Variants in DEPDC5 observed in about 807,000 individuals in gnomAD.
The protein encoded by DEPDC5 is DEP domain containing 5, GATOR1 subcomplex subunit.
DEPDC5 carries 73 observed loss-of-function variants against 217.3 expected under a neutral mutation model. The ratio of observed to expected loss-of-function variants is 0.34; its 90% CI spans 0.28 to 0.41. The LOEUF (loss-of-function observed/expected upper bound fraction) is 0.41, where lower values mean the gene tolerates loss of function less well. Ranked by LOEUF, DEPDC5 falls within the 10% of genes least tolerant of loss-of-function variation. DEPDC5 has a pLI of 1.00. For missense variants in DEPDC5, 1,675 were observed against 2,070.1 expected, an observed-to-expected ratio of 0.81 and a Z score of 3.70; for synonymous variants, 733 against 756.7, an observed-to-expected ratio of 0.97 and a Z score of 0.51.
chr22:31,784,464 A>G (rs1024760868), intron 9 of DEPDC5: 4 of 227,664 alleles, frequency 1.8e-5, no homozygotes, highest in African/African-American at 7.0e-5. Flanking sequence ...CCCCATACCT[A>G]CTAAAAATAC....
intron 38 of DEPDC5, among the ~76,000 whole-genome samples, chr22:31,881,518 C>T (rs1367602710): frequency 6.6e-6 from 1 of 152,066 alleles, no homozygotes; most frequent in African/African-American, 2.4e-5. Context: ...ATTAAAGAAG[C>T]CGTATACCCG....
intron 38 of DEPDC5, 85 bp downstream of exon 38, chr22:31,879,837 C>A: frequency 7.6e-7 from 1 of 1,317,388 alleles, no homozygotes; most frequent in Non-Finnish European, 1.1e-6. Context: ...AACGATGCCA[C>A]ATGAACCAGG....
Position 31,797,672 on chromosome 22 carries a change from G to A in DEPDC5, c.840G>A (p.Gln280=), listed in dbSNP as rs2086400159. Residue 280 remains glutamine, a synonymous_variant, in exon 13 of 43, where the codon CAG becomes CAA. Coordinates refer to ENST00000651528, the MANE Select transcript of DEPDC5 (RefSeq NM_001242896.3). ...TAACCATTAAAAAACTCTTCATCCA[G>A]TATCCAGTGTTGGTGCGACTGGAAC... ...LLVTIKKLFI[Q]YPVLVRLEQA... is the part of the protein sequence containing the mutation. 6.2e-7 allele frequency: 1 copy of A among 1,613,934 alleles called. No homozygotes were observed. The highest frequency in any genetic ancestry group is 1.3e-5 in the African/African-American group (1 of 74,906).
chr22:31,769,941 G>C (rs1395308965), intron 7 of DEPDC5, among the ~76,000 whole-genome samples: 1 of 150,452 alleles, frequency 6.6e-6, no homozygotes. Flanking sequence ...AATTCAGAAA[G>C]TATTTCAGGT....
intron 8 of DEPDC5, among the ~76,000 whole-genome samples, chr22:31,778,998 C>G (rs1192962415): frequency 6.6e-6 from 1 of 152,140 alleles, no homozygotes; most frequent in Non-Finnish European, 1.5e-5. Flanking sequence ...AAAGAGTTAT[C>G]TGGCCCAAAA....
chr22:31,880,190 G>GTC (rs144285418), intron 38 of DEPDC5: 26 of 184,620 alleles, frequency 1.4e-4, no homozygotes, highest in African/African-American at 3.5e-4. Flanking sequence ...CAGAGCAAAA[G>GTC]TCTCTCTCTC....
At chr22:31,779,421 G>A (rs2084198681) in intron 8 of DEPDC5, among the ~76,000 whole-genome samples, 1 of 152,346 alleles carries the variant, frequency 6.6e-6, no homozygotes, top group East Asian at 1.9e-4. Context: ...GGGGTGAAGA[G>A]TATTCCAGGC....
chr22:31,834,689 G>A (rs1276133659), intron 25 of DEPDC5, among the ~76,000 whole-genome samples: 1 of 151,960 alleles, frequency 6.6e-6, no homozygotes, highest in African/African-American at 2.4e-5. Context: ...GCTAATTTTT[G>A]TATTTTTAGT....
At chr22:31,890,236 A>C (rs1287102730) in intron 38 of DEPDC5, 1 of 152,186 alleles carries the variant, frequency 6.6e-6, no homozygotes, top group African/African-American at 2.4e-5. Context: ...GCTCTCTGAG[A>C]CATATGGTTA....
At chr22:31,836,687 C>T (rs1167972734) in intron 25 of DEPDC5, among the ~76,000 whole-genome samples, 1 of 152,200 alleles carries the variant, frequency 6.6e-6, no homozygotes, top group Non-Finnish European at 1.5e-5. Flanking sequence ...GTAATCTCAC[C>T]TGCATTGCGG....
At chr22:31,904,829 A>C (rs981636320) in intron 41 of DEPDC5, among the ~76,000 whole-genome samples, 15 of 152,212 alleles carry the variant, frequency 9.9e-5, no homozygotes, top group Non-Finnish European at 1.6e-4. Flanking sequence ...TAGCCTACCC[A>C]TTTAGTTTGC....
At chr22:31,805,048 C>A in intron 17 of DEPDC5, 133 bp downstream of exon 17, 2 of 812,404 alleles carry the variant, frequency 2.5e-6, no homozygotes, top group South Asian at 1.7e-5. Context: ...CAAGTTCTAA[C>A]ATTTGCTCAA....
intron 10 of DEPDC5, among the ~76,000 whole-genome samples, chr22:31,791,558 A>T (rs539726334): frequency 8.7e-4 from 127 of 145,304 alleles, no homozygotes; most frequent in Non-Finnish European, 1.7e-3. Flanking sequence ...TGAACCTGGG[A>T]GGTGGAGGCT....
intron 10 of DEPDC5, among the ~76,000 whole-genome samples, chr22:31,789,859 ATCC>A (rs1247627361): frequency 1.3e-5 from 2 of 151,548 alleles, no homozygotes; most frequent in African/African-American, 4.9e-5. Flanking sequence ...TTGTCACTTC[ATCC>A]TCCTCAGTAG....
At chr22:31,784,593 C>G in intron 9 of DEPDC5, 1 of 432,394 alleles carries the variant, frequency 2.3e-6, no homozygotes, top group Non-Finnish European at 4.2e-6. Flanking sequence ...GCATTCCAGC[C>G]TGGGAGACAA....
intron 27 of DEPDC5, among the ~76,000 whole-genome samples, chr22:31,842,857 G>A (rs576147456): frequency 6.6e-6 from 1 of 152,148 alleles, no homozygotes; most frequent in Non-Finnish European, 1.5e-5. Flanking sequence ...TGCCATCTAG[G>A]TGCTATCAGC....
chr22:31,805,429 C>T (rs376283111), intron 17 of DEPDC5, among the ~76,000 whole-genome samples: 28 of 152,226 alleles, frequency 1.8e-4, no homozygotes, highest in African/African-American at 6.5e-4. Flanking sequence ...TCCTGTGCTG[C>T]CCTGATAGCT....
In DEPDC5 at chr22:31,874,320, G is replaced by A. The variant is rs1426238395; in HGVS notation, c.3611G>A (p.Cys1204Tyr). ...LSEQKGLSPY[C>Y]FISAEVVHWL... ...GAACAGAAGGGCCTCTCACCGTACT[G>A]CTTCATCAGCGCGGAGGTGGTACAC... is the stretch of plus-strand genomic sequence containing the variant. The change falls in exon 36 of 43, where the codon TGC becomes TAC. Residue 1204 changes from cysteine (C) to tyrosine (Y), a missense_variant. Physicochemically the swap from Cys to Tyr is radical, Grantham distance 194 (BLOSUM62 -2). Around this residue, in one of 11 missense-constraint regions of DEPDC5, gnomAD observed 194 missense variants for 199.3 expected, o/e 0.97. Transcript: ENST00000651528. The A allele has an allele frequency of 1.2e-6, 2 of 1,609,706 alleles. No homozygotes were observed. The highest frequency in any genetic ancestry group is 1.7e-6 in the Non-Finnish European group (2 of 1,178,090).
chr22:31,808,846 T>C (rs1032074970), intron 18 of DEPDC5, among the ~76,000 whole-genome samples: 4 of 152,216 alleles, frequency 2.6e-5, no homozygotes, highest in Admixed American at 6.5e-5. Context: ...ATTACAGGCA[T>C]GAGCCTTTGT....
Sources: gnomAD v4.1 joint callset for allele counts (sites outside exome capture counted in the v4.1 genomes callset) on GRCh38, gnomAD v4.1.1 for gene constraint, gnomAD v4.1.1 regional missense constraint, MANE v1.5 for transcripts, NCBI Gene and HGNC (gene_info 2026-07-23, HGNC 2026-07-21) for gene names.